Variants in XKR9 observed in about 807,000 individuals in gnomAD.
The protein encoded by XKR9 is XK related 9.
A neutral mutation model predicts 32.0 loss-of-function variants in XKR9; 32 were observed. The observed-to-expected ratio is 1.00, with a 90% CI of 0.76 to 1.34. The LOEUF is 1.34. XKR9 is among the 40% of genes most tolerant of loss of function. The probability of loss-of-function intolerance (pLI) is 0.00; values close to 1 mark genes in which losing one functional copy is unlikely to be tolerated. For missense variants in XKR9, 546 were observed against 429.7 expected (o/e 1.27, Z -2.39); for synonymous variants, 168 against 143.4 (o/e 1.17, Z -1.22).
intron 2 of XKR9, among the ~76,000 whole-genome samples, chr8:70,756,943 A>T (rs750339603): frequency 1.5e-4 from 23 of 152,210 alleles, no homozygotes; most frequent in Non-Finnish European, 3.1e-4. Context: ...GGAAGCATCC[A>T]GTCTTGCACC....
At chr8:70,985,525 A>G in the XKR9 span, among the ~76,000 whole-genome samples, 1 of 152,206 alleles carries the variant, frequency 6.6e-6, no homozygotes, top group East Asian at 1.9e-4. Context: ...TTTTATTATC[A>G]TAAACAAGGC....
chr8:70,726,476 G>A (rs749826583), intron 4 of XKR9, among the ~76,000 whole-genome samples: 1 of 152,186 alleles, frequency 6.6e-6, no homozygotes, highest in Non-Finnish European at 1.5e-5. Flanking sequence ...CTCAATGGGT[G>A]CCCAAACTCT....
chr8:70,804,798 T>C, the XKR9 span, among the ~76,000 whole-genome samples: 5 of 152,260 alleles, frequency 3.3e-5, no homozygotes, highest in Non-Finnish European at 5.9e-5. Context: ...TTATCATTTT[T>C]GTCTTTACTT....
intron 2 of XKR9, among the ~76,000 whole-genome samples, chr8:70,768,797 A>G (rs1047819347): frequency 2.0e-5 from 3 of 146,346 alleles, no homozygotes; most frequent in African/African-American, 7.6e-5. Context: ...ATATTCTTCC[A>G]TCCCTTTATT....
chr8:70,940,145 T>C, the XKR9 span, among the ~76,000 whole-genome samples: 4 of 151,662 alleles, frequency 2.6e-5, no homozygotes, highest in African/African-American at 9.7e-5. Flanking sequence ...GTTTCGGGAG[T>C]AGTAATTTCT....
the XKR9 span, among the ~76,000 whole-genome samples, chr8:70,819,217 G>T: frequency 6.6e-6 from 1 of 152,140 alleles, no homozygotes; most frequent in Non-Finnish European, 1.5e-5. Flanking sequence ...CTGCCCCTTT[G>T]TGTCTAACTT....
At chr8:70,851,571 G>A in the XKR9 span, among the ~76,000 whole-genome samples, 5 of 152,076 alleles carry the variant, frequency 3.3e-5, no homozygotes, top group African/African-American at 1.2e-4. Flanking sequence ...CATGGTACTG[G>A]AACCAAAACA....
At chr8:70,863,436 T>A in the XKR9 span, among the ~76,000 whole-genome samples, 2 of 152,196 alleles carry the variant, frequency 1.3e-5, no homozygotes, top group Non-Finnish European at 2.9e-5. Flanking sequence ...TGTCACTGTG[T>A]CTTTGTGACT....
chr8:70,874,331 A>AT, the XKR9 span, among the ~76,000 whole-genome samples: 1 of 152,146 alleles, frequency 6.6e-6, no homozygotes, highest in Admixed American at 6.6e-5. Flanking sequence ...ATTATGTAAG[A>AT]TTTTCTGTAT....
the XKR9 span, among the ~76,000 whole-genome samples, chr8:70,887,539 G>A: frequency 2.0e-5 from 3 of 152,062 alleles, no homozygotes; most frequent in Admixed American, 2.0e-4. Flanking sequence ...TCACGATATT[G>A]ATTCTTCCTG....
the XKR9 span, among the ~76,000 whole-genome samples, chr8:70,993,601 TCTTCCTTCCTTC>T: frequency 0.041 from 4,254 of 105,028 alleles, 129 homozygotes; most frequent in African/African-American, 0.088. Flanking sequence ...TCATAGGACA[TCTTCCTTCCTTC>T]CTTCCTTCCT....
chr8:70,791,801 G>C (rs545639232), downstream of XKR9, among the ~76,000 whole-genome samples: 9 of 152,178 alleles, frequency 5.9e-5, no homozygotes, highest in African/African-American at 2.2e-4. Context: ...AGACACTGAT[G>C]AATTTTTGGA....
chr8:70,700,002 C>T (rs564165169), intron 3 of XKR9, among the ~76,000 whole-genome samples: 3 of 152,318 alleles, frequency 2.0e-5, no homozygotes, highest in East Asian at 3.9e-4. Context: ...GCATTCTTCA[C>T]GTAGTTCTCG....
chr8:70,895,824 A>AAG, the XKR9 span, among the ~76,000 whole-genome samples: 2 of 149,614 alleles, frequency 1.3e-5, no homozygotes, highest in Admixed American at 6.7e-5. Context: ...ACCTCTACAA[A>AAG]AAAAAAAAAA....
At chr8:70,738,305 C>T (rs900574834), downstream of XKR9, among the ~76,000 whole-genome samples, 3 of 143,870 alleles carry the variant, frequency 2.1e-5, no homozygotes, top group East Asian at 1.9e-4. Context: ...TCTGTGGGAT[C>T]GGTGGTGATG....
the XKR9 span, among the ~76,000 whole-genome samples, chr8:70,863,836 C>T: frequency 6.6e-6 from 1 of 151,988 alleles, no homozygotes; most frequent in Non-Finnish European, 1.5e-5. Flanking sequence ...AGAATGATGC[C>T]CTCATACTGG....
the XKR9 span, among the ~76,000 whole-genome samples, chr8:70,819,116 C>G: frequency 6.6e-6 from 1 of 152,210 alleles, no homozygotes; most frequent in Non-Finnish European, 1.5e-5. Context: ...GCACAAGGAA[C>G]AGCAGCTTGG....
chr8:70,751,681 C>G (rs1198907767), intron 2 of XKR9, among the ~76,000 whole-genome samples: 1 of 152,186 alleles, frequency 6.6e-6, no homozygotes, highest in Admixed American at 6.5e-5. Flanking sequence ...CTACCTCCTC[C>G]TGCCCTTGGA....
intron 4 of XKR9, among the ~76,000 whole-genome samples, chr8:70,731,283 GAGAA>G (rs1806655006): frequency 6.6e-6 from 1 of 151,848 alleles, no homozygotes; most frequent in African/African-American, 2.4e-5. Flanking sequence ...AAGAGAGAGA[GAGAA>G]AGAGACCAGA....
Sources: gnomAD v4.1 joint callset for allele counts (sites outside exome capture counted in the v4.1 genomes callset) on GRCh38, gnomAD v4.1.1 for gene constraint, MANE v1.5 for transcripts, NCBI Gene and HGNC (gene_info 2026-07-23, HGNC 2026-07-21) for gene names.